The following PRLR variants were observed in gnomAD, a reference collection of about 807,000 sequenced individuals.
PRLR encodes hPRL receptor.
In PRLR, 13 loss-of-function variants were observed where a neutral mutation model predicts 40.2. The observed-to-expected ratio is 0.32, with a 90% CI of 0.21 to 0.51. The LOEUF is 0.51. Ranked by LOEUF, PRLR falls within the 20% of genes least tolerant of loss-of-function variation. PRLR has a pLI of 0.97. For missense variants in PRLR, 656 were observed against 747.3 expected (o/e 0.88, Z 1.42); for synonymous variants, 269 against 278.7 (o/e 0.97, Z 0.35).
intron 1 of PRLR, among the ~76,000 whole-genome samples, chr5:35,130,805 T>C (rs1181429136): frequency 6.6e-6 from 1 of 151,896 alleles, no homozygotes; most frequent in African/African-American, 2.4e-5. Flanking sequence ...TGGAGTGGGG[T>C]GGGCCCTTAA....
chr5:35,078,016 G>T (rs913104612), intron 5 of PRLR, among the ~76,000 whole-genome samples: 1 of 152,156 alleles, frequency 6.6e-6, no homozygotes, highest in African/African-American at 2.4e-5. Flanking sequence ...TGAGAACAAA[G>T]ACACAACATA....
chr5:35,165,968 C>G (rs951357780), intron 1 of PRLR, among the ~76,000 whole-genome samples: 14 of 152,060 alleles, frequency 9.2e-5, no homozygotes, highest in African/African-American at 3.4e-4. Flanking sequence ...CCAATATTAC[C>G]ATTTGGTTGA....
chr5:35,150,400 G>A (rs777080145), intron 1 of PRLR, among the ~76,000 whole-genome samples: 39 of 152,154 alleles, frequency 2.6e-4, no homozygotes, highest in Admixed American at 1.3e-4. Context: ...CTCTGCTTTT[G>A]GAAAATAAGA....
intron 1 of PRLR, among the ~76,000 whole-genome samples, chr5:35,165,128 G>A (rs1280854170): frequency 1.3e-5 from 2 of 152,176 alleles, no homozygotes; most frequent in Admixed American, 6.5e-5. Context: ...GACTCAAGGA[G>A]AATTCTGCTG....
At chr5:35,172,938 T>C (rs1242286505) in intron 1 of PRLR, among the ~76,000 whole-genome samples, 2 of 152,230 alleles carry the variant, frequency 1.3e-5, no homozygotes, top group African/African-American at 2.4e-5. Context: ...TTTAACCATA[T>C]GGATAAGAAG....
chr5:35,063,372 C>A lies in PRLR; in HGVS notation c.*1717G>T, dbSNP rs1355126824. On this transcript the variant is annotated 3_prime_UTR_variant, in exon 10 of 10. Coordinates refer to ENST00000618457, the MANE Select transcript of PRLR (RefSeq NM_000949.7). ...AGAGGTGAGCTCAAGTTCTCTATGTCCAGCTAGTAAATGGACATATAGAAT... is the reference window on the plus strand; with the variant it reads ...AGAGGTGAGCTCAAGTTCTCTATGTACAGCTAGTAAATGGACATATAGAAT... The A allele has an allele frequency of 6.6e-6, 1 of 152,038 alleles. No individual in the cohort carries two copies. The highest frequency in any genetic ancestry group is 2.1e-4 in the South Asian group (1 of 4,826). 9.4% of individuals were successfully genotyped at this position (152,038 alleles called of 1,614,324 possible). A position where few individuals can be genotyped will look rare whatever the true frequency, so the allele number is the denominator to read the frequency against.
chr5:35,121,810 A>G (rs1202323240), intron 1 of PRLR, among the ~76,000 whole-genome samples: 1 of 152,234 alleles, frequency 6.6e-6, no homozygotes, highest in Non-Finnish European at 1.5e-5. Flanking sequence ...CTTTGATGCC[A>G]AAGGCTGTGC....
intron 1 of PRLR, among the ~76,000 whole-genome samples, chr5:35,142,241 T>C (rs1339974541): frequency 6.6e-6 from 1 of 152,154 alleles, no homozygotes; most frequent in East Asian, 1.9e-4. Context: ...GATGCCTAGG[T>C]TGAACTGAAT....
chr5:35,052,619 C>T (rs1000745573), downstream of PRLR, among the ~76,000 whole-genome samples: 1 of 152,166 alleles, frequency 6.6e-6, no homozygotes, highest in East Asian at 1.9e-4. Context: ...GTCAGCTTTA[C>T]AGTCTAAAAA....
At chr5:35,066,380 A>ATATC (rs542223240) in intron 9 of PRLR, among the ~76,000 whole-genome samples, 1 of 152,170 alleles carries the variant, frequency 6.6e-6, no homozygotes, top group South Asian at 2.1e-4. Context: ...TAATAAACAG[A>ATATC]TAACTATAAA....
At chr5:35,099,947 C>T (rs771632341) in intron 2 of PRLR, among the ~76,000 whole-genome samples, 1 of 151,788 alleles carries the variant, frequency 6.6e-6, no homozygotes, top group African/African-American at 2.4e-5. Flanking sequence ...GAGGCTGAAG[C>T]GGGCAGATCA....
intron 1 of PRLR, among the ~76,000 whole-genome samples, chr5:35,145,246 C>T (rs1774149218): frequency 6.6e-6 from 1 of 152,106 alleles, no homozygotes; most frequent in Non-Finnish European, 1.5e-5. Flanking sequence ...ATTGCTGGAG[C>T]ATCCGGTTGT....
intron 1 of PRLR, among the ~76,000 whole-genome samples, chr5:35,194,154 T>C (rs1308361468): frequency 2.0e-5 from 3 of 152,236 alleles, no homozygotes; most frequent in Non-Finnish European, 2.9e-5. Context: ...ATTTGTCTTC[T>C]GGTGTCTGGG....
chr5:35,066,148 C>T (rs754508573), intron 9 of PRLR, 46 bp from the exon 10 acceptor site: 12 of 1,539,818 alleles, frequency 7.8e-6, no homozygotes, highest in African/African-American at 2.7e-5. Flanking sequence ...AGCTTCATAA[C>T]ATTCCAAATC....
chr5:35,065,377 C>G lies in PRLR; in HGVS notation c.1581G>C (p.Gln527His). 1.2e-6 allele frequency: 2 copies of G among 1,614,186 alleles called. No homozygotes were observed. Among genetic ancestry groups the G allele is most frequent in the Admixed American group, 3.3e-5 (2 of 60,026 alleles). ...TCTTGGGCTTGCCGCTGTTCTCTCT[C>G]TGTTTTGGTAGCAATGATAATGCAC... Reference protein sequence around the residue: ...KDGALSLLPKQRENSGKPKKP... With the variant: ...KDGALSLLPKHRENSGKPKKP... Residue 527 changes from glutamine to histidine, a missense_variant, in exon 10 of 10, where the codon CAG becomes CAC. This residue lies in a region of PRLR where 469 missense variants were observed against 491.5 expected (regional missense o/e 0.95). Transcript: ENST00000618457.
At chr5:35,087,291 CT>C (rs1172799999) in intron 3 of PRLR, among the ~76,000 whole-genome samples, 2 of 152,138 alleles carry the variant, frequency 1.3e-5, no homozygotes, top group Non-Finnish European at 2.9e-5. Context: ...CACCTGGCCA[CT>C]TTTCCTTGAT....
At chr5:35,055,635 T>G (rs548839071), downstream of PRLR, 3 of 152,294 alleles carry the variant, frequency 2.0e-5, no homozygotes, top group South Asian at 4.1e-4. Flanking sequence ...AAAAAAAACT[T>G]GTTTCAAGTT....
At chr5:35,205,761 A>C (rs1044354281) in intron 1 of PRLR, among the ~76,000 whole-genome samples, 2 of 152,200 alleles carry the variant, frequency 1.3e-5, no homozygotes, top group African/African-American at 4.8e-5. Flanking sequence ...AGAAGATCCT[A>C]TCTCAGTGCA....
At chr5:35,199,897 G>T (rs1319933011) in intron 1 of PRLR, among the ~76,000 whole-genome samples, 2 of 152,194 alleles carry the variant, frequency 1.3e-5, no homozygotes, top group Admixed American at 6.5e-5. Flanking sequence ...AGGAAAAAAT[G>T]CTCTGATAAA....
Sources: allele counts gnomAD v4.1 joint callset (sites outside exome capture counted in the v4.1 genomes callset), GRCh38; gene constraint gnomAD v4.1.1; regional missense constraint gnomAD v4.1.1; transcripts MANE v1.5; gene names NCBI Gene and HGNC (gene_info 2026-07-23, HGNC 2026-07-21).